LY96: variants seen among roughly 807,000 people sequenced by gnomAD.
The protein encoded by LY96 is myeloid differentiation protein-2.
In LY96, 18 loss-of-function variants were observed where a neutral mutation model predicts 18.9. The ratio of observed to expected loss-of-function variants is 0.95; its 90% CI spans 0.66 to 1.41. The LOEUF (loss-of-function observed/expected upper bound fraction) is 1.41, where lower values mean the gene tolerates loss of function less well. Ranked by LOEUF, LY96 falls within the 40% of genes most tolerant of loss-of-function variation. The pLI is 0.00. For synonymous variants in LY96, 66 were observed against 62.6 expected, an observed-to-expected ratio of 1.06 and a Z score of -0.26; for missense variants, 175 against 182.4, an observed-to-expected ratio of 0.96 and a Z score of 0.23.
intron 2 of LY96, among the ~76,000 whole-genome samples, chr8:74,007,975 G>T (rs28579835): frequency 1.3e-5 from 2 of 152,168 alleles, no homozygotes; most frequent in Admixed American, 1.3e-4. Context: ...GGCCAGGATG[G>T]TCTCGAACTC....
intron 1 of LY96, among the ~76,000 whole-genome samples, chr8:73,992,434 G>A (rs1816022202): frequency 6.6e-6 from 1 of 152,176 alleles, no homozygotes; most frequent in South Asian, 2.1e-4. Context: ...AATCATCTGG[G>A]AGAGATTTAC....
intron 3 of LY96, among the ~76,000 whole-genome samples, chr8:74,017,996 A>G (rs1451602026): frequency 6.6e-6 from 1 of 152,216 alleles, no homozygotes; most frequent in Non-Finnish European, 1.5e-5. Flanking sequence ...GCATAAATTA[A>G]CGAGCAAAAT....
chr8:74,008,240 A>T (rs2131266460), intron 2 of LY96, among the ~76,000 whole-genome samples: 1 of 152,332 alleles, frequency 6.6e-6, no homozygotes, highest in Non-Finnish European at 1.5e-5. Context: ...CCTTTCCTGG[A>T]GTTATTGAAG....
At chr8:74,070,014 T>C in the LY96 span, among the ~76,000 whole-genome samples, 1 of 152,226 alleles carries the variant, frequency 6.6e-6, no homozygotes, top group African/African-American at 2.4e-5. Context: ...TTCTGTAAAG[T>C]AGGGCTGGCT....
At chr8:74,004,180 G>C (rs1450892264) in intron 1 of LY96, among the ~76,000 whole-genome samples, 2 of 152,214 alleles carry the variant, frequency 1.3e-5, no homozygotes, top group East Asian at 3.8e-4. Context: ...AGAAAGCTGA[G>C]AGCTAAGATT....
At chr8:74,041,616 C>G in the LY96 span, among the ~76,000 whole-genome samples, 1 of 152,128 alleles carries the variant, frequency 6.6e-6, no homozygotes, top group East Asian at 1.9e-4. Context: ...TAAACGGCCG[C>G]TCTGGGAGTG....
chr8:74,051,040 C>T, the LY96 span, among the ~76,000 whole-genome samples: 3 of 152,006 alleles, frequency 2.0e-5, no homozygotes, highest in African/African-American at 7.2e-5. Context: ...TAAAAATTAT[C>T]TAAGACCCAT....
At chr8:74,053,621 T>A in the LY96 span, among the ~76,000 whole-genome samples, 1 of 152,350 alleles carries the variant, frequency 6.6e-6, no homozygotes, top group African/African-American at 2.4e-5. Context: ...TTGCTCTTCT[T>A]ACCTAGAATG....
At chr8:73,997,551 A>G (rs1392868646) in intron 1 of LY96, among the ~76,000 whole-genome samples, 1 of 152,188 alleles carries the variant, frequency 6.6e-6, no homozygotes, top group Non-Finnish European at 1.5e-5. Flanking sequence ...CTTTATACCA[A>G]GACCTCCAGG....
Position 74,009,097 on chromosome 8 carries a change from G to A in LY96, c.203-904G>A, listed in dbSNP as rs192134222. On this transcript the variant is annotated intron_variant, in intron 2 of 4. Transcript: ENST00000284818. ...TGCAAAATTGTTTTCTTTATGAAAAGGATTGTGCATCTTTTTTGGCCAGGC... is the reference window on the plus strand; with the variant it reads ...TGCAAAATTGTTTTCTTTATGAAAAAGATTGTGCATCTTTTTTGGCCAGGC... Among the ~76,000 whole-genome samples, 700 of 152,160 alleles carry A rather than the reference G, an allele frequency of 4.6e-3. 3 individuals are homozygous for A. The highest frequency in any genetic ancestry group is 7.7e-3 in the Admixed American group (117 of 15,270).
chr8:74,030,018 T>C (rs1218023240), downstream of LY96, among the ~76,000 whole-genome samples: 1 of 152,212 alleles, frequency 6.6e-6, no homozygotes, highest in Non-Finnish European at 1.5e-5. Context: ...AATGGACTAA[T>C]ACAGCAGTGT....
intron 3 of LY96, among the ~76,000 whole-genome samples, chr8:74,013,375 G>A (rs932833406): frequency 2.0e-5 from 3 of 151,866 alleles, no homozygotes; most frequent in South Asian, 2.1e-4. Context: ...TGCCTGCCTC[G>A]GCCTCCCAAA....
chr8:74,058,964 G>T, the LY96 span, among the ~76,000 whole-genome samples: 1 of 152,196 alleles, frequency 6.6e-6, no homozygotes, highest in Non-Finnish European at 1.5e-5. Context: ...GGCAGGAATT[G>T]ATGTTTCAGC....
the LY96 span, among the ~76,000 whole-genome samples, chr8:74,057,365 T>C: frequency 6.6e-6 from 1 of 152,218 alleles, no homozygotes; most frequent in African/African-American, 2.4e-5. Context: ...GTAACACAAA[T>C]GGCAAACATA....
At chr8:74,089,596 G>T in the LY96 span, among the ~76,000 whole-genome samples, 1 of 152,190 alleles carries the variant, frequency 6.6e-6, no homozygotes, top group African/African-American at 2.4e-5. Context: ...GATGTGTAAA[G>T]GACAATGTTT....
intron 3 of LY96, among the ~76,000 whole-genome samples, chr8:74,012,918 A>G (rs4737399): frequency 0.052 from 7,900 of 152,046 alleles, 284 homozygotes; most frequent in Admixed American, 0.1. Context: ...TTTTAACTAT[A>G]TAATTACTAA....
At chr8:74,069,985 C>T in the LY96 span, among the ~76,000 whole-genome samples, 3 of 152,194 alleles carry the variant, frequency 2.0e-5, no homozygotes, top group Non-Finnish European at 4.4e-5. Flanking sequence ...TATTCTTCTA[C>T]ACTTCTTAGT....
chr8:74,065,208 A>G, the LY96 span, among the ~76,000 whole-genome samples: 1 of 152,218 alleles, frequency 6.6e-6, no homozygotes, highest in African/African-American at 2.4e-5. Flanking sequence ...AATGATTTAT[A>G]TCTTTGCCTG....
At chr8:74,049,344 A>G in the LY96 span, among the ~76,000 whole-genome samples, 5 of 152,232 alleles carry the variant, frequency 3.3e-5, no homozygotes, top group Admixed American at 6.5e-5. Context: ...TATCAATTAA[A>G]AAGAAATCAC....
Sources: allele counts gnomAD v4.1 joint callset (sites outside exome capture counted in the v4.1 genomes callset), GRCh38; gene constraint gnomAD v4.1.1; transcripts MANE v1.5; gene names NCBI Gene and HGNC (gene_info 2026-07-23, HGNC 2026-07-21).